Variants in PAICS observed in about 807,000 individuals in gnomAD.
The protein encoded by PAICS is phosphoribosylaminoimidazole carboxylase and phosphoribosylaminoimidazolesuccinocarboxamide synthase.
PAICS carries 33 observed loss-of-function variants against 53.7 expected under a neutral mutation model. That is an observed-to-expected ratio of 0.61 (90% CI 0.47 to 0.82). The LOEUF is 0.82. Ranked by LOEUF, PAICS falls within the 40% of genes least tolerant of loss-of-function variation. The pLI is 0.00. For synonymous variants in PAICS, 141 were observed against 167.2 expected, an observed-to-expected ratio of 0.84 and a Z score of 1.21; for missense variants, 394 against 494.1, an observed-to-expected ratio of 0.80 and a Z score of 1.92.
At chr4:56,442,738 T>G (rs1396253187) in intron 2 of PAICS, among the ~76,000 whole-genome samples, 1 of 152,232 alleles carries the variant, frequency 6.6e-6, no homozygotes, top group Non-Finnish European at 1.5e-5. Flanking sequence ...AGTTGCCCTT[T>G]CATTTCTTAG....
At chr4:56,423,659 G>GTT in the PAICS span, among the ~76,000 whole-genome samples, 42 of 147,390 alleles carry the variant, frequency 2.8e-4, no homozygotes, top group East Asian at 7.9e-4. Context: ...AAAAGTACAA[G>GTT]TTTTTTTTTT....
rs1223730973 is a variant in PAICS at position 56,450,722 on chromosome 4, A to G, written c.771+20A>G. On this transcript the variant is annotated intron_variant, in intron 6 of 8. Coordinates refer to ENST00000512576, the MANE Select transcript of PAICS (RefSeq NM_001079524.2). ...GTAGAGGTAAACCTTCTATAGTAAAACTGTATGTATTATGTGTTTTTCTTC... is the reference window on the plus strand; with the variant it reads ...GTAGAGGTAAACCTTCTATAGTAAAGCTGTATGTATTATGTGTTTTTCTTC... 2 of 1,136,908 alleles carry G rather than the reference A, an allele frequency of 1.8e-6. No individual in the cohort carries two copies. Among genetic ancestry groups the G allele is most frequent in the South Asian group, 2.7e-5 (2 of 75,114 alleles). The allele number at this position is 1,136,908 out of a possible 1,614,324, so 70.4% of individuals were successfully genotyped here.
At chr4:56,423,109 C>G in the PAICS span, 1 of 152,198 alleles carries the variant, frequency 6.6e-6, no homozygotes, top group Admixed American at 6.5e-5. Context: ...ATCACCAAGC[C>G]CCCAAGCTGA....
chr4:56,445,451 G>A (rs1044667470), intron 2 of PAICS, among the ~76,000 whole-genome samples: 3 of 152,080 alleles, frequency 2.0e-5, no homozygotes, highest in African/African-American at 4.8e-5. Context: ...GCCAGGCGTG[G>A]TGGTGCACAC....
At chr4:56,418,336 T>G in the PAICS span, among the ~76,000 whole-genome samples, 33 of 152,272 alleles carry the variant, frequency 2.2e-4, no homozygotes, top group African/African-American at 7.2e-4. Context: ...TTATCTTATT[T>G]TGAGACAGGG....
the PAICS span, among the ~76,000 whole-genome samples, chr4:56,417,470 C>T: frequency 6.6e-6 from 1 of 152,118 alleles, no homozygotes; most frequent in Non-Finnish European, 1.5e-5. Context: ...ATTACTGAAC[C>T]ATTAATTGTA....
In PAICS at chr4:56,464,230, A is replaced by G. The variant is rs1424133682; in HGVS notation, c.*4692A>G. 6.6e-6 allele frequency: 1 copy of G among 152,222 alleles called. No individual in the cohort carries two copies. Among genetic ancestry groups the G allele is most frequent in the Non-Finnish European group, 1.5e-5 (1 of 68,036 alleles). The allele number at this position is 152,222 out of a possible 1,614,324, so 9.4% of individuals were successfully genotyped here. A position where few individuals can be genotyped will look rare whatever the true frequency, so the allele number is the denominator to read the frequency against. On this transcript the variant is annotated 3_prime_UTR_variant, in exon 9 of 9. Transcript: ENST00000512576. ...GTTCTGTATTTTTTAGAGAACAAAT[A>G]CAGCCTATTATGTATATATAAGACC...
chr4:56,448,510 G>A lies in PAICS; in HGVS notation c.486G>A (p.Val162=), dbSNP rs1718736258. ...GACTTCTTATAGGCCAGACTGAAGT[G>A]GATATCATGAGTCATGCTACACAGG... ...FAGLLIGQTE[V]DIMSHATQAI... Residue 162 remains valine, a synonymous_variant, in exon 4 of 9, where the codon GTG becomes GTA. Transcript: ENST00000512576. 1.2e-6 allele frequency: 2 copies of A among 1,612,618 alleles called. No homozygotes were observed. Among genetic ancestry groups the A allele is most frequent in the South Asian group, 2.2e-5 (2 of 90,910 alleles).
chr4:56,410,899 T>TAAAAAA, the PAICS span: 79 of 678,524 alleles, frequency 1.2e-4, no homozygotes, highest in East Asian at 3.0e-3. Context: ...CCACTGAAGG[T>TAAAAAA]AAAAAAAAAA....
upstream of PAICS, chr4:56,435,863 C>T: frequency 6.7e-7 from 1 of 1,486,750 alleles, no homozygotes; most frequent in Non-Finnish European, 9.0e-7. Context: ...AACCTCATTT[C>T]TCTTTCAGAG....
Position 56,444,348 on chromosome 4 carries a change from C to T in PAICS, c.215-2347C>T, listed in dbSNP as rs572130245. On this transcript the variant is annotated intron_variant, in intron 2 of 8. Transcript: ENST00000512576. Reference sequence around the variant, plus strand: ...TACTTAAAAATTAAAATCTGGCCTTCTTAGTGATGATGAAATCCCAATTTC... The same window carrying T: ...TACTTAAAAATTAAAATCTGGCCTTTTTAGTGATGATGAAATCCCAATTTC... Among the ~76,000 whole-genome samples the T allele has an allele frequency of 1.2e-4, 19 of 152,204 alleles. No homozygotes were observed. In the East Asian group the frequency reaches 3.5e-3, roughly 28 times the overall value.
intron 8 of PAICS, among the ~76,000 whole-genome samples, chr4:56,455,320 A>G (rs1365504450): frequency 6.6e-6 from 1 of 152,204 alleles, no homozygotes; most frequent in Non-Finnish European, 1.5e-5. Context: ...TTGCTTTATT[A>G]CTAAAATCCC....
upstream of PAICS, among the ~76,000 whole-genome samples, chr4:56,434,288 G>A (rs1236098855): frequency 6.6e-6 from 1 of 152,154 alleles, no homozygotes; most frequent in Non-Finnish European, 1.5e-5. Context: ...ATTTAAGTTT[G>A]GTGGAGGAAA....
At chr4:56,442,823 A>G (rs910326113) in intron 2 of PAICS, among the ~76,000 whole-genome samples, 1 of 152,226 alleles carries the variant, frequency 6.6e-6, no homozygotes, top group Non-Finnish European at 1.5e-5. Flanking sequence ...AGTTAGATGT[A>G]CGTGCCTTCC....
the PAICS span, chr4:56,410,992 GTGGCCA>G: frequency 1.1e-5 from 9 of 833,412 alleles, no homozygotes; most frequent in African/African-American, 1.3e-4. Flanking sequence ...CAGGACTTCT[GTGGCCA>G]TATGATAAAT....
chr4:56,418,325 T>C, the PAICS span, among the ~76,000 whole-genome samples: 1 of 152,136 alleles, frequency 6.6e-6, no homozygotes, highest in Non-Finnish European at 1.5e-5. Context: ...TTTATTTTAT[T>C]TTATCTTATT....
chr4:56,427,002 G>A, the PAICS span, among the ~76,000 whole-genome samples: 2 of 152,008 alleles, frequency 1.3e-5, no homozygotes, highest in Admixed American at 6.5e-5. Flanking sequence ...TACAATATTC[G>A]TCCATTTGTG....
In PAICS at chr4:56,436,321, A is replaced by G. The variant is rs1165530694; in HGVS notation, c.9A>G (p.Thr3=). The change falls in exon 1 of 9, where the codon ACA becomes ACG. Residue 3 remains threonine, a synonymous_variant. Transcript: ENST00000512576. ...TCAGCCCACTTAGGATAATGGCGAC[A>G]GCTGAGGGTGAGTAACAGGGATCCG... MA[T]AEVLNIGKKL... is the part of the protein sequence containing the mutation. 1 of 1,601,198 alleles carries G rather than the reference A, an allele frequency of 6.2e-7. No individual in the cohort carries two copies. The highest frequency in any genetic ancestry group is 8.5e-7 in the Non-Finnish European group (1 of 1,173,508).
intron 1 of PAICS, among the ~76,000 whole-genome samples, chr4:56,438,371 TTATATA>T (rs61681463): frequency 0.01 from 1,157 of 113,652 alleles, 10 homozygotes; most frequent in African/African-American, 0.031. Context: ...TGCAATGTGT[TTATATA>T]TATATATATA....
Sources: allele counts gnomAD v4.1 joint callset (sites outside exome capture counted in the v4.1 genomes callset), GRCh38; gene constraint gnomAD v4.1.1; transcripts MANE v1.5; gene names NCBI Gene and HGNC (gene_info 2026-07-23, HGNC 2026-07-21).